VPS13A: variants seen among roughly 807,000 people sequenced by gnomAD.
The protein encoded by VPS13A is vacuolar protein sorting 13 homolog A.
In VPS13A, 264 loss-of-function variants were observed where a neutral mutation model predicts 390.9. That is an observed-to-expected ratio of 0.68 (90% CI 0.61 to 0.75). The LOEUF is 0.75. VPS13A is among the 30% of genes least tolerant of loss of function. VPS13A has a pLI of 0.00. For missense variants in VPS13A, 3,409 were observed against 3,733.9 expected, an observed-to-expected ratio of 0.91 and a Z score of 2.27; for synonymous variants, 1,231 against 1,227.1, an observed-to-expected ratio of 1.00 and a Z score of -0.07.
intron 62 of VPS13A, 99 bp downstream of exon 62, chr9:77,368,235 T>C: frequency 4.2e-6 from 4 of 956,310 alleles, no homozygotes; most frequent in South Asian, 1.5e-5. Flanking sequence ...AGGAACTAAA[T>C]AGCCATTTTC....
rs1830588849 is a variant in VPS13A, at chr9:77,337,255, A to G, written c.6096A>G (p.Arg2032=). The G allele has an allele frequency of 6.2e-7, 1 of 1,610,768 alleles. No homozygotes were observed. Residue 2032 remains arginine, a splice_region_variant and synonymous_variant, in exon 47 of 72, where the codon CGA becomes CGG. Transcript: ENST00000360280. ...AACTGTATCATTTAATCTCATGCAG[A>G]TCATTCATTTTTCTGAAGCCAGAAG... ...NEFNIPLGSY[R]SFIFLKPEDE... is the part of the protein sequence containing the mutation.
chr9:77,414,025 C>A (rs1394068073), intron 71 of VPS13A, among the ~76,000 whole-genome samples: 9 of 152,118 alleles, frequency 5.9e-5, no homozygotes, highest in African/African-American at 1.7e-4. Flanking sequence ...AATGCAAATC[C>A]AAACCACAAT....
At chr9:77,363,996 A>G (rs1443627321) in intron 59 of VPS13A, among the ~76,000 whole-genome samples, 3 of 152,058 alleles carry the variant, frequency 2.0e-5, no homozygotes, top group Non-Finnish European at 4.4e-5. Flanking sequence ...CAGTGGCCTG[A>G]GATGATCTCA....
intron 71 of VPS13A, among the ~76,000 whole-genome samples, chr9:77,412,550 C>T (rs1288610793): frequency 6.6e-6 from 1 of 152,210 alleles, no homozygotes; most frequent in Non-Finnish European, 1.5e-5. Flanking sequence ...AACAACCCTT[C>T]ATCCTAAAAA....
At chr9:77,409,841 G>A (rs1563999881) in intron 71 of VPS13A, among the ~76,000 whole-genome samples, 2 of 151,284 alleles carry the variant, frequency 1.3e-5, no homozygotes, top group East Asian at 2.0e-4. Flanking sequence ...AAAGTGATGG[G>A]GAGAATGGAA....
intron 19 of VPS13A, among the ~76,000 whole-genome samples, chr9:77,242,217 T>TAAG (rs1448448328): frequency 1.2e-4 from 18 of 152,302 alleles, no homozygotes; most frequent in African/African-American, 4.3e-4. Flanking sequence ...TTATCCTTAT[T>TAAG]GGTAGATATG....
At chr9:77,367,000 C>A in intron 61 of VPS13A, 128 bp downstream of exon 61, 1 of 852,314 alleles carries the variant, frequency 1.2e-6, no homozygotes, top group Non-Finnish European at 1.8e-6. Context: ...TTTTTGCATT[C>A]AAGTGAAGTG....
At chr9:77,325,071 C>T (rs1213895028) in intron 45 of VPS13A, among the ~76,000 whole-genome samples, 1 of 152,142 alleles carries the variant, frequency 6.6e-6, no homozygotes, top group East Asian at 1.9e-4. Flanking sequence ...GAAAAAACAC[C>T]TTCATAAGAA....
At chr9:77,327,287 A>G (rs1237254029) in intron 45 of VPS13A, among the ~76,000 whole-genome samples, 1 of 151,996 alleles carries the variant, frequency 6.6e-6, no homozygotes, top group Non-Finnish European at 1.5e-5. Context: ...TTCACTTTTT[A>G]TTTAGTTAAC....
At position 77,370,563 on chromosome 9, in the gene VPS13A, A is replaced by C; in HGVS notation, c.8892A>C (p.Gly2964=). ...AGFREGITRG[G]KGLVSGFVSG... ...TTAGAGAAGGCATCACTCGTGGAGG[A>C]AAAGGCTTAGTTTCTGTAAGAAATT... Residue 2964 remains glycine (G), a synonymous_variant, in exon 65 of 72, where the codon GGA becomes GGC. Transcript: ENST00000360280. 1.2e-6 allele frequency: 2 copies of C among 1,614,138 alleles called. No individual in the cohort carries two copies. The highest frequency in any genetic ancestry group is 1.7e-6 in the Non-Finnish European group (2 of 1,180,018).
chr9:77,413,575 T>C (rs944790492), intron 71 of VPS13A, among the ~76,000 whole-genome samples: 28 of 152,302 alleles, frequency 1.8e-4, no homozygotes, highest in African/African-American at 6.7e-4. Flanking sequence ...CCTTACACCT[T>C]ATACAAAAAT....
rs1191459766 is a variant in VPS13A, at chr9:77,321,064, G to A, written c.5416-105G>A. On this transcript the variant is annotated intron_variant, in intron 42 of 71. Transcript: ENST00000360280. The stretch of plus-strand genomic sequence containing the variant: ...AAGGCAATAGAACTTACTGAAATTA[G>A]AAAAGATAAAATGTACTGACCTTTC... 2.8e-6 allele frequency: 3 copies of A among 1,087,850 alleles called. No individual in the cohort carries two copies. The Admixed American group carries it at 6.7e-5, about 24-fold the overall frequency. The allele number at this position is 1,087,850 out of a possible 1,614,324, so 67.4% of individuals were successfully genotyped here.
intron 16 of VPS13A, 51 bp from the exon 17 acceptor site, chr9:77,228,071 T>C (rs751239163): frequency 3.9e-6 from 5 of 1,277,378 alleles, no homozygotes; most frequent in South Asian, 1.7e-5. Context: ...ATATTTGTTA[T>C]GCTTATATAT....
chr9:77,290,125 C>T (rs924074448), intron 31 of VPS13A, among the ~76,000 whole-genome samples: 3 of 152,130 alleles, frequency 2.0e-5, no homozygotes, highest in Non-Finnish European at 4.4e-5. Flanking sequence ...AATGACTTCT[C>T]TCAGTTTTTT....
chr9:77,217,753 C>T (rs1822941153), intron 10 of VPS13A, among the ~76,000 whole-genome samples: 1 of 150,752 alleles, frequency 6.6e-6, no homozygotes, highest in African/African-American at 2.4e-5. Context: ...GTGAATAGTG[C>T]TGTGGTAAAC....
chr9:77,371,982 C>T (rs1163275407), intron 67 of VPS13A, among the ~76,000 whole-genome samples: 1 of 146,842 alleles, frequency 6.8e-6, no homozygotes, highest in Non-Finnish European at 1.5e-5. Flanking sequence ...GACATGAACT[C>T]ATCATTTTTT....
chr9:77,206,114 G>A, intron 5 of VPS13A, 35 bp downstream of exon 5: 5 of 1,404,296 alleles, frequency 3.6e-6, no homozygotes, highest in Non-Finnish European at 4.9e-6. Flanking sequence ...GCTAATAAGA[G>A]AAGTAGAAAA....
intron 1 of VPS13A, among the ~76,000 whole-genome samples, chr9:77,186,411 T>C (rs977483152): frequency 3.9e-5 from 6 of 152,188 alleles, no homozygotes; most frequent in African/African-American, 9.7e-5. Context: ...ATCATTTTCC[T>C]TCTTTCTGAA....
rs556478532 is a variant in VPS13A, at chr9:77,207,059, T to A, written c.385+980T>A. 4.7e-5 allele frequency among the ~76,000 whole-genome samples: 7 copies of A among 149,738 alleles called. No homozygotes were observed. The East Asian group carries it at 1.4e-3, about 29-fold the overall frequency. ...GCCTTTTCTTTTTAAAAATTATTTT[T>A]ATTTTATCAAGATAATATATATACA... On this transcript the variant is annotated intron_variant, in intron 5 of 71. Coordinates refer to ENST00000360280, the MANE Select transcript of VPS13A (RefSeq NM_033305.3).
Sources: allele counts gnomAD v4.1 joint callset (sites outside exome capture counted in the v4.1 genomes callset), GRCh38; gene constraint gnomAD v4.1.1; transcripts MANE v1.5; gene names NCBI Gene and HGNC (gene_info 2026-07-23, HGNC 2026-07-21).